AGBL1: variants seen among roughly 807,000 people sequenced by gnomAD.
The protein encoded by AGBL1 is AGBL carboxypeptidase 1.
A neutral mutation model predicts 118.9 loss-of-function variants in AGBL1; 130 were observed. The ratio of observed to expected loss-of-function variants is 1.09; its 90% CI spans 0.95 to 1.26. The LOEUF is 1.26. Among genes scored for constraint, AGBL1 ranks in the 50% most tolerant of loss-of-function variants. The pLI, the probability that AGBL1 is intolerant of heterozygous loss-of-function variation, is 0.00. For missense variants in AGBL1, 1,584 were observed against 1,298.1 expected (o/e 1.22, Z -3.38); for synonymous variants, 555 against 478.9 (o/e 1.16, Z -2.08).
intron 1 of AGBL1, among the ~76,000 whole-genome samples, chr15:86,107,099 C>T (rs550477080): frequency 1.6e-4 from 24 of 152,224 alleles, no homozygotes; most frequent in East Asian, 7.7e-4. Context: ...ACATTCAGGG[C>T]ACAAAATCAT....
intron 22 of AGBL1, among the ~76,000 whole-genome samples, chr15:86,821,246 C>G (rs776708989): frequency 2.6e-4 from 40 of 152,020 alleles, no homozygotes; most frequent in Non-Finnish European, 5.0e-4. Flanking sequence ...TTGATGAGTG[C>G]AGCAAACCAC....
intron 24 of AGBL1, among the ~76,000 whole-genome samples, chr15:86,991,126 T>A (rs1213528409): frequency 6.6e-6 from 1 of 152,178 alleles, no homozygotes; most frequent in Non-Finnish European, 1.5e-5. Context: ...GAGAAAGAAG[T>A]AGAGTGTCTA....
chr15:86,149,603 T>C (rs2077079555), intron 3 of AGBL1, among the ~76,000 whole-genome samples: 1 of 152,172 alleles, frequency 6.6e-6, no homozygotes, highest in Admixed American at 6.6e-5. Flanking sequence ...ATGCATCCAA[T>C]ACAGGAGCAC....
At chr15:86,543,523 T>A (rs544881001) in intron 19 of AGBL1, among the ~76,000 whole-genome samples, 1 of 152,214 alleles carries the variant, frequency 6.6e-6, no homozygotes, top group Non-Finnish European at 1.5e-5. Flanking sequence ...ACCAAAATGA[T>A]CTTTGGACCC....
intron 5 of AGBL1, among the ~76,000 whole-genome samples, chr15:86,186,218 T>A (rs1422652570): frequency 6.7e-6 from 1 of 149,676 alleles, no homozygotes; most frequent in Non-Finnish European, 1.5e-5. Context: ...CGCTGGGACT[T>A]GCAGGGGGCG....
chr15:86,543,325 A>G (rs1759440673), intron 19 of AGBL1, among the ~76,000 whole-genome samples: 1 of 152,204 alleles, frequency 6.6e-6, no homozygotes, highest in South Asian at 2.1e-4. Context: ...TTATAATACG[A>G]TTGTGATACA....
At chr15:86,093,324 G>T (rs1012938243) in intron 1 of AGBL1, among the ~76,000 whole-genome samples, 2 of 152,156 alleles carry the variant, frequency 1.3e-5, no homozygotes, top group Non-Finnish European at 2.9e-5. Flanking sequence ...ATTGGTGGAA[G>T]AAAATGTCAT....
chr15:86,889,308 G>A (rs1041220498), intron 22 of AGBL1, among the ~76,000 whole-genome samples: 15 of 127,850 alleles, frequency 1.2e-4, no homozygotes, highest in African/African-American at 2.7e-4. Context: ...AAGTGCTTTC[G>A]GCAAATCTAT....
intron 21 of AGBL1, among the ~76,000 whole-genome samples, chr15:86,624,622 A>C (rs1442272668): frequency 6.6e-6 from 1 of 152,208 alleles, no homozygotes; most frequent in Non-Finnish European, 1.5e-5. Flanking sequence ...GTGGAGGAGC[A>C]GTGAGCCTGA....
At chr15:86,956,209 A>G (rs1228012672) in intron 23 of AGBL1, among the ~76,000 whole-genome samples, 3 of 132,354 alleles carry the variant, frequency 2.3e-5, no homozygotes, top group East Asian at 4.2e-4. Flanking sequence ...AGGTAGATAG[A>G]TGATTGATTA....
chr15:86,949,424 A>C (rs972884324), intron 23 of AGBL1, among the ~76,000 whole-genome samples: 1 of 152,136 alleles, frequency 6.6e-6, no homozygotes, highest in Non-Finnish European at 1.5e-5. Flanking sequence ...GAGCCAATTC[A>C]GGAAGAAGGC....
At chr15:86,366,870 G>A (rs2080895407) in intron 17 of AGBL1, among the ~76,000 whole-genome samples, 1 of 152,156 alleles carries the variant, frequency 6.6e-6, no homozygotes, top group Admixed American at 6.5e-5. Flanking sequence ...GCTCAGCTAA[G>A]TGATTGCCTT....
At chr15:86,192,023 C>T (rs975977283) in intron 5 of AGBL1, among the ~76,000 whole-genome samples, 1 of 151,460 alleles carries the variant, frequency 6.6e-6, no homozygotes, top group Non-Finnish European at 1.5e-5. Context: ...GTCGCTTGAG[C>T]CCAAGAGTTC....
At chr15:86,894,181 A>T (rs961542531) in intron 22 of AGBL1, among the ~76,000 whole-genome samples, 1 of 152,160 alleles carries the variant, frequency 6.6e-6, no homozygotes, top group African/African-American at 2.4e-5. Context: ...ACATCTCAAT[A>T]TTAAGGCCCA....
At chr15:86,151,943 T>TAGGAATCCAACTTACA (rs2077117701) in intron 3 of AGBL1, among the ~76,000 whole-genome samples, 1 of 152,066 alleles carries the variant, frequency 6.6e-6, no homozygotes, top group Admixed American at 6.6e-5. Context: ...ATAAAATACC[T>TAGGAATCCAACTTACA]AGGAATCCAA....
intron 5 of AGBL1, among the ~76,000 whole-genome samples, chr15:86,195,270 T>TC (rs2077783805): frequency 6.6e-6 from 1 of 152,134 alleles, no homozygotes; most frequent in Non-Finnish European, 1.5e-5. Flanking sequence ...AGTTGAAGGG[T>TC]ACCTTGGTGA....
chr15:86,595,330 T>A (rs530332496), intron 21 of AGBL1, among the ~76,000 whole-genome samples: 12 of 152,302 alleles, frequency 7.9e-5, no homozygotes, highest in African/African-American at 2.9e-4. Flanking sequence ...CACCAAATGC[T>A]TCAAAACTTG....
intron 6 of AGBL1, among the ~76,000 whole-genome samples, chr15:86,240,734 G>A (rs1179841660): frequency 1.3e-5 from 2 of 152,132 alleles, no homozygotes; most frequent in Admixed American, 6.5e-5. Flanking sequence ...TTTCAGGACG[G>A]CTCTGAAACA....
intron 17 of AGBL1, among the ~76,000 whole-genome samples, chr15:86,310,520 G>A (rs1496876): frequency 0.33 from 50,421 of 151,862 alleles, 8,979 homozygotes; most frequent in East Asian, 0.42. Flanking sequence ...GCCTAAAGCT[G>A]GGATCTGCTG....
Sources: allele counts gnomAD v4.1 joint callset (sites outside exome capture counted in the v4.1 genomes callset), GRCh38; gene constraint gnomAD v4.1.1; transcripts MANE v1.5; gene names NCBI Gene and HGNC (gene_info 2026-07-23, HGNC 2026-07-21).